Variants in SUGCT observed in about 807,000 individuals in gnomAD.
SUGCT encodes the protein succinyl-CoA:glutarate CoA-transferase.
In SUGCT, 41 loss-of-function variants were observed where a neutral mutation model predicts 55.0. The ratio of observed to expected loss-of-function variants is 0.74; its 90% CI spans 0.58 to 0.97. SUGCT has a LOEUF of 0.97. SUGCT is among the 50% of genes least tolerant of loss of function. The pLI is 0.00. For missense variants in SUGCT, 568 were observed against 547.8 expected, an observed-to-expected ratio of 1.04 and a Z score of -0.37; for synonymous variants, 187 against 200.4, an observed-to-expected ratio of 0.93 and a Z score of 0.56.
the SUGCT span, among the ~76,000 whole-genome samples, chr7:40,957,447 C>CTTTTTTTTTTTTTTT: frequency 2.6e-5 from 2 of 76,090 alleles, no homozygotes; most frequent in African/African-American, 5.0e-5. Context: ...GCAACCCCTG[C>CTTTTTTTTTTTTTTT]TTTTTTTTTT....
At chr7:40,684,679 A>AT (rs1436029144) in intron 12 of SUGCT, among the ~76,000 whole-genome samples, 6 of 152,082 alleles carry the variant, frequency 3.9e-5, no homozygotes, top group Non-Finnish European at 8.8e-5. Context: ...CTCTTGTTCC[A>AT]TTTTCTACAC....
At chr7:40,755,672 T>C (rs1788220181) in intron 13 of SUGCT, among the ~76,000 whole-genome samples, 1 of 152,060 alleles carries the variant, frequency 6.6e-6, no homozygotes, top group African/African-American at 2.4e-5. Flanking sequence ...TGGAATAGAG[T>C]TTGATGTGTA....
At chr7:40,973,022 G>A in the SUGCT span, among the ~76,000 whole-genome samples, 21 of 152,302 alleles carry the variant, frequency 1.4e-4, no homozygotes, top group East Asian at 4.0e-3. Flanking sequence ...CTTTTCCGGA[G>A]ATATGTCTCA....
intron 9 of SUGCT, among the ~76,000 whole-genome samples, chr7:40,355,161 C>T (rs1372879848): frequency 6.6e-6 from 1 of 152,192 alleles, no homozygotes; most frequent in Non-Finnish European, 1.5e-5. Flanking sequence ...ATAGTGGTCA[C>T]TTGAAATTCC....
At chr7:40,178,098 C>A (rs966860304) in intron 1 of SUGCT, among the ~76,000 whole-genome samples, 1 of 152,224 alleles carries the variant, frequency 6.6e-6, no homozygotes, top group African/African-American at 2.4e-5. Flanking sequence ...AAGTGAGGCT[C>A]ATATACTGCG....
chr7:41,034,958 C>T, the SUGCT span, among the ~76,000 whole-genome samples: 2 of 152,204 alleles, frequency 1.3e-5, no homozygotes, highest in East Asian at 3.9e-4. Context: ...TCAGCATGGG[C>T]TGGCTGGACT....
chr7:40,624,873 C>T (rs1479214289), intron 12 of SUGCT, among the ~76,000 whole-genome samples: 1 of 151,812 alleles, frequency 6.6e-6, no homozygotes, highest in African/African-American at 2.4e-5. Flanking sequence ...CAATGGACTT[C>T]CAAGTAATGT....
chr7:40,910,066 C>T, the SUGCT span, among the ~76,000 whole-genome samples: 1 of 152,192 alleles, frequency 6.6e-6, no homozygotes, highest in Admixed American at 6.5e-5. Flanking sequence ...GCTGCTCTTG[C>T]CTTGACCTAG....
At chr7:40,418,230 T>C (rs1038546508) in intron 9 of SUGCT, among the ~76,000 whole-genome samples, 18 of 152,196 alleles carry the variant, frequency 1.2e-4, no homozygotes, top group African/African-American at 4.3e-4. Context: ...GATTGTTTGA[T>C]TGCAAGGAGT....
chr7:40,767,389 A>G (rs1356489846), intron 13 of SUGCT, among the ~76,000 whole-genome samples: 3 of 152,172 alleles, frequency 2.0e-5, no homozygotes, highest in Non-Finnish European at 2.9e-5. Context: ...TCCCAAACCT[A>G]TCTGAATGGG....
intron 8 of SUGCT, among the ~76,000 whole-genome samples, chr7:40,310,615 G>T (rs900618991): frequency 1.3e-5 from 2 of 152,094 alleles, no homozygotes; most frequent in Non-Finnish European, 1.5e-5. Context: ...TACTATCTTG[G>T]TTTTTCTATA....
chr7:40,822,564 G>T (rs1792079490), intron 13 of SUGCT, among the ~76,000 whole-genome samples: 1 of 151,512 alleles, frequency 6.6e-6, no homozygotes, highest in Non-Finnish European at 1.5e-5. Context: ...TAAAGTCTGG[G>T]TAACATTGTC....
At chr7:40,164,173 G>GCTTGCTTACTGCA (rs1784313299) in intron 1 of SUGCT, among the ~76,000 whole-genome samples, 1 of 151,426 alleles carries the variant, frequency 6.6e-6, no homozygotes, top group East Asian at 1.9e-4. Flanking sequence ...ATGCAGACTG[G>GCTTGCTTACTGCA]AGTGCAGTGG....
chr7:40,758,097 A>G (rs760430145), intron 13 of SUGCT, among the ~76,000 whole-genome samples: 1 of 152,102 alleles, frequency 6.6e-6, no homozygotes, highest in Non-Finnish European at 1.5e-5. Flanking sequence ...AAGTGACATT[A>G]TCTTTGCCTC....
chr7:40,266,185 C>CTTTTTTTTT (rs10685507), intron 7 of SUGCT, among the ~76,000 whole-genome samples: 2 of 116,822 alleles, frequency 1.7e-5, no homozygotes, highest in African/African-American at 3.3e-5. Flanking sequence ...CTTTCCTTTC[C>CTTTTTTTTT]TTTTTTTTTT....
intron 12 of SUGCT, among the ~76,000 whole-genome samples, chr7:40,676,510 T>G (rs1308700923): frequency 2.0e-5 from 3 of 150,172 alleles, no homozygotes; most frequent in Admixed American, 6.6e-5. Context: ...TTTTGTTTTT[T>G]TTTTTTTTTT....
chr7:40,968,133 A>G, the SUGCT span: 1 of 152,198 alleles, frequency 6.6e-6, no homozygotes, highest in East Asian at 1.9e-4. Context: ...ATTTGGGATC[A>G]ATTCCTCTTC....
At chr7:40,365,475 C>T (rs1275042775) in intron 9 of SUGCT, among the ~76,000 whole-genome samples, 2 of 152,026 alleles carry the variant, frequency 1.3e-5, no homozygotes, top group African/African-American at 4.8e-5. Flanking sequence ...GTCAAATTGT[C>T]CCTGTTTGCA....
intron 1 of SUGCT, among the ~76,000 whole-genome samples, chr7:40,150,658 C>T (rs555062537): frequency 6.2e-4 from 94 of 152,034 alleles, no homozygotes; most frequent in Non-Finnish European, 9.9e-4. Context: ...GGAACAAGAG[C>T]GAAACTACAC....
Sources: allele counts gnomAD v4.1 joint callset (sites outside exome capture counted in the v4.1 genomes callset), GRCh38; gene constraint gnomAD v4.1.1; transcripts MANE v1.5; gene names NCBI Gene and HGNC (gene_info 2026-07-23, HGNC 2026-07-21).